CAMK2D: variants seen among roughly 807,000 people sequenced by gnomAD.
The protein encoded by CAMK2D is calcium/calmodulin dependent protein kinase II delta.
A neutral mutation model predicts 84.0 loss-of-function variants in CAMK2D; 37 were observed. That is an observed-to-expected ratio of 0.44 (90% CI 0.34 to 0.58). The LOEUF is 0.58. CAMK2D is among the 20% of genes least tolerant of loss of function. The pLI is 0.02. For synonymous variants in CAMK2D, 202 were observed against 212.5 expected, an observed-to-expected ratio of 0.95 and a Z score of 0.43; for missense variants, 448 against 652.5, an observed-to-expected ratio of 0.69 and a Z score of 3.41.
At chr4:113,646,618 A>T (rs1299284641) in intron 3 of CAMK2D, among the ~76,000 whole-genome samples, 1 of 152,194 alleles carries the variant, frequency 6.6e-6, no homozygotes, top group Non-Finnish European at 1.5e-5. Context: ...GCAGGAGGAT[A>T]TCAGGAACAG....
At chr4:113,461,241 A>G (rs1253923324) in intron 17 of CAMK2D, among the ~76,000 whole-genome samples, 1 of 151,712 alleles carries the variant, frequency 6.6e-6, no homozygotes, top group Non-Finnish European at 1.5e-5. Flanking sequence ...TATTTGGAAA[A>G]AACCAATGAG....
At chr4:113,663,590 A>T (rs868691697) in intron 2 of CAMK2D, among the ~76,000 whole-genome samples, 1 of 146,004 alleles carries the variant, frequency 6.8e-6, no homozygotes, top group African/African-American at 2.5e-5. Context: ...CTCTGTCTAA[A>T]AATAATAATA....
intron 3 of CAMK2D, among the ~76,000 whole-genome samples, chr4:113,632,550 A>G (rs1294634600): frequency 1.3e-5 from 2 of 151,364 alleles, no homozygotes; most frequent in Non-Finnish European, 1.5e-5. Flanking sequence ...TGATTGTGCT[A>G]TTGCACTCCA....
chr4:113,730,567 A>G (rs951986632), intron 2 of CAMK2D, among the ~76,000 whole-genome samples: 1 of 152,202 alleles, frequency 6.6e-6, no homozygotes, highest in Non-Finnish European at 1.5e-5. Flanking sequence ...ACTGAATATC[A>G]GGTTCATCAA....
At chr4:113,687,815 T>C (rs551259452) in intron 2 of CAMK2D, among the ~76,000 whole-genome samples, 1 of 152,332 alleles carries the variant, frequency 6.6e-6, no homozygotes, top group African/African-American at 2.4e-5. Context: ...TATTAAATCA[T>C]CAGGCACCCT....
intron 2 of CAMK2D, among the ~76,000 whole-genome samples, chr4:113,687,470 C>T (rs2099363163): frequency 6.6e-6 from 1 of 152,148 alleles, no homozygotes; most frequent in Admixed American, 6.5e-5. Context: ...CACTGACAAC[C>T]TAAATATCTG....
intron 16 of CAMK2D, among the ~76,000 whole-genome samples, chr4:113,490,230 T>C: frequency 6.7e-6 from 1 of 149,702 alleles, no homozygotes; most frequent in Non-Finnish European, 1.5e-5. Context: ...GCTTATGTCG[T>C]GAATGGTAAT....
At chr4:113,627,974 G>C (rs2099074579) in intron 3 of CAMK2D, among the ~76,000 whole-genome samples, 1 of 152,130 alleles carries the variant, frequency 6.6e-6, no homozygotes, top group African/African-American at 2.4e-5. Flanking sequence ...AAGATCAACT[G>C]TATTTATTTC....
chr4:113,585,490 T>C (rs2098829662), intron 4 of CAMK2D, among the ~76,000 whole-genome samples: 1 of 152,182 alleles, frequency 6.6e-6, no homozygotes, highest in South Asian at 2.1e-4. Flanking sequence ...TCACAGATGT[T>C]ATCTGATTTC....
At chr4:113,660,457 A>G (rs1035706882) in intron 3 of CAMK2D, among the ~76,000 whole-genome samples, 13 of 152,122 alleles carry the variant, frequency 8.5e-5, no homozygotes, top group Non-Finnish European at 1.8e-4. Flanking sequence ...TCTGAAGTGC[A>G]TGGCTCACTG....
intron 2 of CAMK2D, among the ~76,000 whole-genome samples, chr4:113,746,813 C>T (rs960294496): frequency 6.6e-6 from 1 of 151,744 alleles, no homozygotes; most frequent in Non-Finnish European, 1.5e-5. Flanking sequence ...ACAGGAGTGA[C>T]TCTGATACTA....
chr4:113,701,012 TG>T (rs1373950942), intron 2 of CAMK2D, among the ~76,000 whole-genome samples: 1 of 151,718 alleles, frequency 6.6e-6, no homozygotes, highest in African/African-American at 2.4e-5. Flanking sequence ...CACTTACTGA[TG>T]ATGCATGAAA....
intron 2 of CAMK2D, among the ~76,000 whole-genome samples, chr4:113,731,672 G>C (rs897727657): frequency 6.9e-6 from 1 of 144,270 alleles, no homozygotes; most frequent in African/African-American, 2.6e-5. Flanking sequence ...TGCAACCTCC[G>C]CCTCCCGGGT....
intron 4 of CAMK2D, among the ~76,000 whole-genome samples, chr4:113,568,154 AT>A (rs2098734630): frequency 6.6e-6 from 1 of 152,306 alleles, no homozygotes; most frequent in African/African-American, 2.4e-5. Flanking sequence ...ATTCAGTGGC[AT>A]TAACCATAAT....
chr4:113,688,339 T>G (rs1195694351), intron 2 of CAMK2D, among the ~76,000 whole-genome samples: 1 of 152,230 alleles, frequency 6.6e-6, no homozygotes, highest in East Asian at 1.9e-4. Context: ...GCATTCACCT[T>G]TCTAACTATG....
intron 2 of CAMK2D, among the ~76,000 whole-genome samples, chr4:113,733,352 G>T (rs2099573550): frequency 6.6e-6 from 1 of 152,108 alleles, no homozygotes; most frequent in South Asian, 2.1e-4. Context: ...ACTTTAGTTA[G>T]TTTTAAAATG....
At chr4:113,537,276 G>C (rs567406298) in intron 7 of CAMK2D, 65 bp downstream of exon 7, 2 of 792,442 alleles carry the variant, frequency 2.5e-6, no homozygotes, top group African/African-American at 3.5e-5. Context: ...TAGGAAGTGG[G>C]ATTAGGAGCC....
intron 16 of CAMK2D, among the ~76,000 whole-genome samples, chr4:113,497,428 G>C (rs1487897127): frequency 6.6e-6 from 1 of 152,194 alleles, no homozygotes; most frequent in African/African-American, 2.4e-5. Context: ...CTAATTAGAA[G>C]AGCTGAAGGA....
At chr4:113,578,812 C>G (rs923485391) in intron 4 of CAMK2D, among the ~76,000 whole-genome samples, 1 of 152,204 alleles carries the variant, frequency 6.6e-6, no homozygotes, top group Admixed American at 6.5e-5. Context: ...AAATCCACAT[C>G]TAATGCAGTG....
Sources: gnomAD v4.1 joint callset for allele counts (sites outside exome capture counted in the v4.1 genomes callset) on GRCh38, gnomAD v4.1.1 for gene constraint, MANE v1.5 for transcripts, NCBI Gene and HGNC (gene_info 2026-07-23, HGNC 2026-07-21) for gene names.